RHOJ: variants seen among roughly 807,000 people sequenced by gnomAD.
RHOJ encodes the protein ras homolog family member J, also known as rho-related GTP-binding protein RhoJ.
A neutral mutation model predicts 23.4 loss-of-function variants in RHOJ; 11 were observed. The ratio of observed to expected loss-of-function variants is 0.47; its 90% CI spans 0.30 to 0.78. RHOJ has a LOEUF of 0.78. Ranked by LOEUF, RHOJ falls within the 30% of genes least tolerant of loss-of-function variation. The pLI is 0.08. For synonymous variants in RHOJ, 102 were observed against 102.7 expected, an observed-to-expected ratio of 0.99 and a Z score of 0.04; for missense variants, 254 against 273.4, an observed-to-expected ratio of 0.93 and a Z score of 0.50.
intron 1 of RHOJ, among the ~76,000 whole-genome samples, chr14:63,261,042 A>G (rs991165164): frequency 6.6e-6 from 1 of 152,232 alleles, no homozygotes; most frequent in African/African-American, 2.4e-5. Context: ...AAATGAATCC[A>G]TAAATTTGCA....
chr14:63,208,964 T>C (rs982938147), intron 1 of RHOJ, among the ~76,000 whole-genome samples: 2 of 152,184 alleles, frequency 1.3e-5, no homozygotes, highest in African/African-American at 4.8e-5. Context: ...GACCACTCTT[T>C]TCCACCCGGT....
chr14:63,219,249 G>C (rs1350964190), intron 1 of RHOJ, among the ~76,000 whole-genome samples: 1 of 152,178 alleles, frequency 6.6e-6, no homozygotes, highest in Non-Finnish European at 1.5e-5. Flanking sequence ...AGAGCATTTT[G>C]AGGGTGAAAA....
At chr14:63,228,882 G>A (rs533962658) in intron 1 of RHOJ, among the ~76,000 whole-genome samples, 38 of 152,270 alleles carry the variant, frequency 2.5e-4, no homozygotes, top group Non-Finnish European at 3.2e-4. Flanking sequence ...ATTACCTTCC[G>A]AGTTTCTTCC....
At chr14:63,269,567 C>G (rs1002895967) in intron 2 of RHOJ, among the ~76,000 whole-genome samples, 2 of 151,986 alleles carry the variant, frequency 1.3e-5, no homozygotes, top group South Asian at 4.2e-4. Context: ...TTTGAATTGC[C>G]TAATGAACTG....
At chr14:63,277,070 A>C (rs1362533029) in intron 2 of RHOJ, among the ~76,000 whole-genome samples, 2 of 152,220 alleles carry the variant, frequency 1.3e-5, no homozygotes, top group Non-Finnish European at 2.9e-5. Flanking sequence ...GAAAATGCTT[A>C]ATCTGTCACT....
At chr14:63,275,840 G>A (rs1566628228) in intron 2 of RHOJ, among the ~76,000 whole-genome samples, 1 of 152,082 alleles carries the variant, frequency 6.6e-6, no homozygotes, top group Non-Finnish European at 1.5e-5. Context: ...CTAACCCAGG[G>A]CCAAAGCATG....
chr14:63,282,382 T>C (rs1881939704), intron 3 of RHOJ, among the ~76,000 whole-genome samples: 1 of 152,024 alleles, frequency 6.6e-6, no homozygotes, highest in Non-Finnish European at 1.5e-5. Flanking sequence ...GGTCTTTCTT[T>C]AAGACACAAG....
intron 2 of RHOJ, among the ~76,000 whole-genome samples, chr14:63,277,480 G>T (rs1045289450): frequency 6.6e-6 from 1 of 152,240 alleles, no homozygotes; most frequent in Admixed American, 6.5e-5. Flanking sequence ...AGTAGAAAAG[G>T]GGGTGGAGCA....
intron 1 of RHOJ, among the ~76,000 whole-genome samples, chr14:63,225,759 T>A (rs1451047097): frequency 6.6e-6 from 1 of 152,120 alleles, no homozygotes; most frequent in Non-Finnish European, 1.5e-5. Flanking sequence ...CTCAGAAATG[T>A]CCCATAAAAA....
At chr14:63,285,710 C>A (rs1302059313) in intron 4 of RHOJ, among the ~76,000 whole-genome samples, 1 of 152,138 alleles carries the variant, frequency 6.6e-6, no homozygotes, top group Admixed American at 6.5e-5. Flanking sequence ...TTTTCCCATT[C>A]TTTTACACAT....
At chr14:63,260,785 T>C (rs1026743490) in intron 1 of RHOJ, among the ~76,000 whole-genome samples, 11 of 152,148 alleles carry the variant, frequency 7.2e-5, no homozygotes, top group Admixed American at 2.0e-4. Flanking sequence ...TGTTAGCTAC[T>C]ATAAACACTT....
chr14:63,243,956 GA>G (rs1239457218), intron 1 of RHOJ, among the ~76,000 whole-genome samples: 1 of 152,144 alleles, frequency 6.6e-6, no homozygotes, highest in African/African-American at 2.4e-5. Flanking sequence ...TTGACATGAT[GA>G]AAAGCATACT....
intron 1 of RHOJ, among the ~76,000 whole-genome samples, chr14:63,255,985 T>C (rs148971383): frequency 1.6e-4 from 25 of 152,198 alleles, no homozygotes; most frequent in Admixed American, 7.2e-4. Flanking sequence ...ACTCCTGCCT[T>C]AGCCTCCCAA....
intron 1 of RHOJ, among the ~76,000 whole-genome samples, chr14:63,207,674 C>T (rs1367333673): frequency 6.6e-6 from 1 of 152,188 alleles, no homozygotes; most frequent in South Asian, 2.1e-4. Flanking sequence ...GGAAATACAA[C>T]CTACTGTGCA....
chr14:63,257,199 C>A (rs1003300791), intron 1 of RHOJ, among the ~76,000 whole-genome samples: 1 of 140,276 alleles, frequency 7.1e-6, no homozygotes, highest in South Asian at 2.2e-4. Context: ...AATCGCACCA[C>A]TGTACTCCAG....
At chr14:63,206,148 C>T (rs1894104690) in intron 1 of RHOJ, among the ~76,000 whole-genome samples, 1 of 152,164 alleles carries the variant, frequency 6.6e-6, no homozygotes, top group Non-Finnish European at 1.5e-5. Context: ...TTTTCCAGAA[C>T]TAAGCCATCA....
At chr14:63,207,803 G>C (rs1369741104) in intron 1 of RHOJ, among the ~76,000 whole-genome samples, 1 of 152,068 alleles carries the variant, frequency 6.6e-6, no homozygotes, top group Non-Finnish European at 1.5e-5. Context: ...TGAGAAGCAG[G>C]GACAATTAAG....
intron 4 of RHOJ, among the ~76,000 whole-genome samples, chr14:63,290,448 T>A (rs1379747261): frequency 6.6e-6 from 1 of 152,166 alleles, no homozygotes; most frequent in African/African-American, 2.4e-5. Context: ...GTACATGATT[T>A]ACACATTCTG....
rs2139666030 is a variant in RHOJ at position 63,283,160 on chromosome 14, C to T, written c.442C>T (p.Leu148=). The change falls in exon 4 of 5, where the codon CTG becomes TTG. Residue 148 remains leucine (L), a synonymous_variant. Transcript: ENST00000316754. Reference sequence around the variant, plus strand: ...TGACCCAAAAACCTTGGCCCGTTTGCTGTATATGAAAGAGAAACCTCTCAC... The same window carrying T: ...TGACCCAAAAACCTTGGCCCGTTTGTTGTATATGAAAGAGAAACCTCTCAC... ...RDDPKTLARL[L]YMKEKPLTYE... 6.2e-7 allele frequency: 1 copy of T among 1,614,070 alleles called. No homozygotes were observed. The highest frequency in any genetic ancestry group is 8.5e-7 in the Non-Finnish European group (1 of 1,179,952).
Sources: allele counts gnomAD v4.1 joint callset (sites outside exome capture counted in the v4.1 genomes callset), GRCh38; gene constraint gnomAD v4.1.1; transcripts MANE v1.5; gene names NCBI Gene and HGNC (gene_info 2026-07-23, HGNC 2026-07-21).